The following RAB44 variants were observed in gnomAD, a reference collection of about 807,000 sequenced individuals.
RAB44 encodes the protein ras-related protein Rab-44.
A neutral mutation model predicts 93.3 loss-of-function variants in RAB44; 67 were observed. The observed-to-expected ratio is 0.72, with a 90% CI of 0.59 to 0.88. The LOEUF (loss-of-function observed/expected upper bound fraction) is 0.88, where lower values mean the gene tolerates loss of function less well. Among genes scored for constraint, RAB44 ranks in the 40% least tolerant of loss-of-function variants. The probability of loss-of-function intolerance (pLI) is 0.00; values close to 1 mark genes in which losing one functional copy is unlikely to be tolerated. For synonymous variants in RAB44, 427 were observed against 520.3 expected, an observed-to-expected ratio of 0.82 and a Z score of 2.44; for missense variants, 1,064 against 1,261.7, an observed-to-expected ratio of 0.84 and a Z score of 2.37.
In RAB44 at chr6:36,717,632, C is replaced by T. The variant is rs1762955100; in HGVS notation, c.641+213C>T. 6.6e-6 allele frequency among the ~76,000 whole-genome samples: 1 copy of T among 152,088 alleles called. No individual in the cohort carries two copies. Among genetic ancestry groups the T allele is most frequent in the East Asian group, 1.9e-4 (1 of 5,184 alleles). On this transcript the variant is annotated intron_variant, in intron 5 of 13. Coordinates refer to ENST00000612677, the MANE Select transcript of RAB44 (RefSeq NM_001257357.2). This position sits in a 1 kb window ranked among gnomAD's most constrained non-coding sequence, Gnocchi z 4.1. ...GGGAAGGGCAGGGTGTGTCTTGGTA[C>T]AGGACCCACTGTGACGCCCAACTCC...
In RAB44 at chr6:36,725,926, C is replaced by T. The variant is rs1166559654; in HGVS notation, c.2664C>T (p.Asp888=). ...AGTGCTTTGTGCTGCAGCTCTGGGA[C>T]ACAGCTGGCCAAGAGAGGTAACAGG... ...DNKCFVLQLW[D]TAGQERYHSM... Residue 888 remains aspartate, a synonymous_variant, in exon 10 of 14, where the codon GAC becomes GAT. Transcript: ENST00000612677. 8.4e-6 allele frequency: 13 copies of T among 1,550,578 alleles called. No homozygotes were observed. The highest frequency in any genetic ancestry group is 1.1e-5 in the Non-Finnish European group (13 of 1,146,972).
intron 2 of RAB44, among the ~76,000 whole-genome samples, chr6:36,713,142 G>A (rs1006969215): frequency 6.6e-6 from 1 of 152,204 alleles, no homozygotes; most frequent in African/African-American, 2.4e-5. Context: ...ATCATGACCT[G>A]TAGGCCATGA....
intron 11 of RAB44, 112 bp from the exon 12 acceptor site, chr6:36,728,587 TG>T: frequency 1.3e-6 from 1 of 756,188 alleles, no homozygotes; most frequent in Non-Finnish European, 2.3e-6. Flanking sequence ...ATGGAGTGGA[TG>T]TGGCCTGGGA....
chr6:36,729,711 G>A (rs989546637), intron 12 of RAB44, among the ~76,000 whole-genome samples: 1 of 152,158 alleles, frequency 6.6e-6, no homozygotes, highest in African/African-American at 2.4e-5. Flanking sequence ...TGGAACTCCT[G>A]ACCTCAAGGG....
chr6:36,708,138 G>C (rs768126270), intron 2 of RAB44, among the ~76,000 whole-genome samples: 7 of 151,976 alleles, frequency 4.6e-5, no homozygotes, highest in Non-Finnish European at 1.0e-4. Flanking sequence ...CTTGAGCCTG[G>C]GAGGTCAAGG....
chr6:36,718,911 A>ATT (rs34442767), intron 7 of RAB44, among the ~76,000 whole-genome samples: 15 of 143,436 alleles, frequency 1.0e-4, no homozygotes, highest in African/African-American at 2.8e-4. Context: ...ACCCTGCCCC[A>ATT]TTTTTTTTTT....
intron 1 of RAB44, among the ~76,000 whole-genome samples, chr6:36,703,684 T>C (rs1245327561): frequency 1.3e-5 from 2 of 151,694 alleles, no homozygotes; most frequent in South Asian, 2.1e-4. Context: ...ACTAGAGACA[T>C]GGTGCTGGAG....
chr6:36,707,248 T>C (rs1762671645), intron 2 of RAB44, among the ~76,000 whole-genome samples: 1 of 151,864 alleles, frequency 6.6e-6, no homozygotes, highest in South Asian at 2.1e-4. Flanking sequence ...TCCTAGCTAC[T>C]TGGGAGGCTG....
chr6:36,714,929 G>A (rs192814408), intron 3 of RAB44, among the ~76,000 whole-genome samples: 5 of 152,206 alleles, frequency 3.3e-5, no homozygotes, highest in South Asian at 2.1e-4. Flanking sequence ...TCTCTTTGCC[G>A]GGGACACACT....
rs369502024 is a variant in RAB44 at position 36,711,276 on chromosome 6, T to C, written c.208-2552T>C. The stretch of plus-strand genomic sequence containing the variant: ...ATTTACATGTTTATAATCTCAAACA[T>C]ATGTAAAGATAAAGTTGACTTATTT... On this transcript the variant is annotated intron_variant, in intron 2 of 13. Coordinates refer to ENST00000612677, the MANE Select transcript of RAB44 (RefSeq NM_001257357.2). Among the ~76,000 whole-genome samples the C allele has an allele frequency of 3.9e-5, 6 of 152,334 alleles. No homozygotes were observed. The East Asian group carries it at 1.2e-3, about 29-fold the overall frequency.
chr6:36,731,238 C>G lies in RAB44; in HGVS notation c.2975+489C>G, dbSNP rs1463995831. 6.6e-6 allele frequency among the ~76,000 whole-genome samples: 1 copy of G among 152,030 alleles called. No homozygotes were observed. On this transcript the variant is annotated intron_variant, in intron 13 of 13. Coordinates refer to ENST00000612677, the MANE Select transcript of RAB44 (RefSeq NM_001257357.2). The surrounding 1 kb of genome is among the most constrained non-coding windows in gnomAD (Gnocchi z 4.0). ...TTGCCAAGTTCCAGCCACTCAGAGA[C>G]TCCCTCCCTGATCACCCACCTGCCA...
chr6:36,730,906 C>G (rs1292355441), intron 13 of RAB44, among the ~76,000 whole-genome samples, 157 bp downstream of exon 13: 2 of 151,844 alleles, frequency 1.3e-5, no homozygotes, highest in East Asian at 3.9e-4. Flanking sequence ...GCTCACCAGT[C>G]TGAGGGGAGA....
chr6:36,704,123 T>G, intron 1 of RAB44, 101 bp from the exon 2 acceptor site: 2 of 1,098,398 alleles, frequency 1.8e-6, no homozygotes, highest in Non-Finnish European at 2.6e-6. Context: ...GCAGCCACAG[T>G]GGATTTTCTT....
intron 9 of RAB44, among the ~76,000 whole-genome samples, chr6:36,724,846 T>A (rs1763195954): frequency 6.6e-6 from 1 of 152,192 alleles, no homozygotes; most frequent in South Asian, 2.1e-4. Context: ...TGATCCTGCC[T>A]TCATAGGTCA....
chr6:36,709,094 G>A (rs754076640), intron 2 of RAB44, among the ~76,000 whole-genome samples: 11 of 151,996 alleles, frequency 7.2e-5, no homozygotes, highest in Non-Finnish European at 1.5e-4. Context: ...ACAGGCGCCT[G>A]CCACCACCTC....
chr6:36,704,872 C>T (rs1164760838), intron 2 of RAB44, among the ~76,000 whole-genome samples: 3 of 152,166 alleles, frequency 2.0e-5, no homozygotes, highest in Non-Finnish European at 4.4e-5. Context: ...GTAATCCCAG[C>T]ACTTTGGGAG....
intron 12 of RAB44, 32 bp downstream of exon 12, chr6:36,728,833 C>A: frequency 6.6e-7 from 1 of 1,510,362 alleles, no homozygotes; most frequent in Non-Finnish European, 9.0e-7. Flanking sequence ...CGTCTCTGTG[C>A]GTGGACTGGG....
At chr6:36,726,536 C>T (rs1001135167) in intron 10 of RAB44, among the ~76,000 whole-genome samples, 1 of 152,150 alleles carries the variant, frequency 6.6e-6, no homozygotes, top group African/African-American at 2.4e-5. Flanking sequence ...AGCCACGGCA[C>T]CTGGCAGTGA....
At chr6:36,698,149 C>T (rs1762427183) in intron 1 of RAB44, among the ~76,000 whole-genome samples, 1 of 152,176 alleles carries the variant, frequency 6.6e-6, no homozygotes, top group Non-Finnish European at 1.5e-5. Flanking sequence ...GGCAAGTCAC[C>T]TGGTTTCTCA....
Sources: gnomAD v4.1 joint callset for allele counts (sites outside exome capture counted in the v4.1 genomes callset) on GRCh38, gnomAD v4.1.1 for gene constraint, Gnocchi (gnomAD v3.1) non-coding constraint, MANE v1.5 for transcripts, NCBI Gene and HGNC (gene_info 2026-07-23, HGNC 2026-07-21) for gene names.